Variants in CNTNAP2 observed in about 807,000 individuals in gnomAD.
The protein encoded by CNTNAP2 is contactin associated protein 2, also known as contactin-associated protein-like 2.
A neutral mutation model predicts 155.2 loss-of-function variants in CNTNAP2; 98 were observed. The observed-to-expected ratio is 0.63, with a 90% CI of 0.54 to 0.75. The LOEUF is 0.75. CNTNAP2 is among the 30% of genes least tolerant of loss of function. The probability of loss-of-function intolerance (pLI) is 0.00; values close to 1 mark genes in which losing one functional copy is unlikely to be tolerated. For synonymous variants in CNTNAP2, 651 were observed against 631.2 expected (o/e 1.03, Z -0.47); for missense variants, 1,727 against 1,688.1 (o/e 1.02, Z -0.40).
At position 147,395,671 on chromosome 7, in the gene CNTNAP2, A is replaced by G. The variant is rs2116453934; in HGVS notation, c.1561A>G (p.Met521Val). Residue 521 changes from methionine (M) to valine (V), a missense_variant, in exon 10 of 24, where the codon ATG becomes GTG. Physicochemically the swap from Met to Val is conservative, Grantham distance 21 (BLOSUM62 1). Transcript: ENST00000361727. ...SVLQPSFQGCMQLIQVDDQLV... is the reference protein window; with the variant it reads ...SVLQPSFQGCVQLIQVDDQLV... Reference sequence around the variant, plus strand: ...CCTTCAGCCTTCATTCCAAGGATGCATGCAGCTCATTCAAGTGGACGATCA... The same window carrying G: ...CCTTCAGCCTTCATTCCAAGGATGCGTGCAGCTCATTCAAGTGGACGATCA... 6.2e-7 allele frequency: 1 copy of G among 1,612,638 alleles called. No individual in the cohort carries two copies. Among genetic ancestry groups the G allele is most frequent in the Non-Finnish European group, 8.5e-7 (1 of 1,178,864 alleles).
intron 19 of CNTNAP2, among the ~76,000 whole-genome samples, chr7:148,228,492 A>C (rs528787383): frequency 6.6e-6 from 1 of 152,130 alleles, no homozygotes; most frequent in Non-Finnish European, 1.5e-5. Context: ...AAAATTTATT[A>C]CTTGGTCTCA....
chr7:148,179,295 G>A (rs1172362101), intron 18 of CNTNAP2, among the ~76,000 whole-genome samples: 1 of 152,160 alleles, frequency 6.6e-6, no homozygotes, highest in East Asian at 1.9e-4. Context: ...GATCATGTGA[G>A]CCCAGGAGTT....
intron 1 of CNTNAP2, among the ~76,000 whole-genome samples, chr7:146,450,630 G>A (rs1216899382): frequency 1.3e-5 from 2 of 152,070 alleles, no homozygotes; most frequent in Non-Finnish European, 2.9e-5. Context: ...ATATTTTACT[G>A]GTGAAAACAA....
intron 2 of CNTNAP2, among the ~76,000 whole-genome samples, chr7:146,814,607 T>C (rs1803127860): frequency 6.6e-6 from 1 of 152,178 alleles, no homozygotes; most frequent in Non-Finnish European, 1.5e-5. Context: ...TCTTTGCTAA[T>C]AATCTATAAC....
intron 13 of CNTNAP2, among the ~76,000 whole-genome samples, chr7:147,671,082 C>G (rs1317040191): frequency 6.6e-6 from 1 of 152,214 alleles, no homozygotes; most frequent in East Asian, 1.9e-4. Context: ...TGCTCCTTCC[C>G]ATGAGTGGTG....
At chr7:147,151,761 C>T (rs1801831326) in intron 8 of CNTNAP2, among the ~76,000 whole-genome samples, 1 of 151,748 alleles carries the variant, frequency 6.6e-6, no homozygotes, top group Admixed American at 6.6e-5. Context: ...GTTTGCAAAT[C>T]CAAAAAAGGA....
At position 147,890,409 on chromosome 7, in the gene CNTNAP2, C is replaced by T. The variant is rs111404240; in HGVS notation, c.2099-13156C>T. ...CTTTTGGTGGGGATGTAAATTAGGA[C>T]GACCATTATGAGAAACAGCATAGAA... is the stretch of plus-strand genomic sequence containing the variant. On this transcript the variant is annotated intron_variant, in intron 13 of 23. Coordinates refer to ENST00000361727, the MANE Select transcript of CNTNAP2 (RefSeq NM_014141.6). Among the ~76,000 whole-genome samples, 569 of 152,106 alleles carry T rather than the reference C, an allele frequency of 3.7e-3. 4 individuals carry two copies. Among genetic ancestry groups the T allele is most frequent in the African/African-American group, 0.013 (546 of 41,498 alleles).
chr7:147,533,018 T>C (rs1799470218), intron 11 of CNTNAP2, among the ~76,000 whole-genome samples: 1 of 152,150 alleles, frequency 6.6e-6, no homozygotes, highest in South Asian at 2.1e-4. Flanking sequence ...CTGCCCCATT[T>C]ATTTCTCATA....
At chr7:147,566,808 TAGAG>T (rs1035774399) in intron 12 of CNTNAP2, among the ~76,000 whole-genome samples, 27 of 152,240 alleles carry the variant, frequency 1.8e-4, no homozygotes, top group African/African-American at 6.5e-4. Flanking sequence ...AATAATTCAA[TAGAG>T]AGAGATTAGG....
intron 21 of CNTNAP2, among the ~76,000 whole-genome samples, chr7:148,331,737 G>GTCGA (rs1798024821): frequency 7.1e-5 from 3 of 42,510 alleles, no homozygotes; most frequent in Non-Finnish European, 2.0e-4. Context: ...GATGGATGGA[G>GTCGA]TGGATGGATG....
chr7:148,348,549 C>T (rs914385184), intron 21 of CNTNAP2, among the ~76,000 whole-genome samples: 3 of 152,110 alleles, frequency 2.0e-5, no homozygotes, highest in Non-Finnish European at 2.9e-5. Context: ...CAGGCCCTCA[C>T]GGAGGACGAG....
At chr7:147,726,902 T>C (rs1192213171) in intron 13 of CNTNAP2, among the ~76,000 whole-genome samples, 5 of 151,998 alleles carry the variant, frequency 3.3e-5, no homozygotes, top group Non-Finnish European at 7.4e-5. Context: ...TGAGCTGTAG[T>C]TTCTGTTTCT....
chr7:147,002,982 CTG>C (rs1798455283), intron 3 of CNTNAP2, among the ~76,000 whole-genome samples: 1 of 135,764 alleles, frequency 7.4e-6, no homozygotes, highest in Non-Finnish European at 1.6e-5. Flanking sequence ...AAGCAGCAAA[CTG>C]GAAAAGAAGA....
At chr7:147,746,862 A>G (rs1168717436) in intron 13 of CNTNAP2, among the ~76,000 whole-genome samples, 1 of 152,164 alleles carries the variant, frequency 6.6e-6, no homozygotes, top group Non-Finnish European at 1.5e-5. Context: ...AAGATCTTCA[A>G]AGCCCACACT....
intron 1 of CNTNAP2, among the ~76,000 whole-genome samples, chr7:146,201,430 C>T (rs1798857821): frequency 2.0e-5 from 3 of 152,088 alleles, no homozygotes; most frequent in East Asian, 1.9e-4. Context: ...ATTGGCAGCT[C>T]CTAATTGCCA....
rs1186338565 is a variant in CNTNAP2 at position 146,603,871 on chromosome 7, T to C, written c.98-170400T>C. Among the ~76,000 whole-genome samples the C allele has an allele frequency of 7.8e-4, 114 of 145,914 alleles. 2 individuals are homozygous for C. The highest frequency in any genetic ancestry group is 2.5e-3 in the African/African-American group (99 of 39,378). On this transcript the variant is annotated intron_variant, in intron 1 of 23. Transcript: ENST00000361727. ...GTGCTGGGAAAACTGGCTAGCCATA[T>C]GTAGGAAGCTGAAACTGGATCCCTC... is the stretch of plus-strand genomic sequence containing the variant.
At chr7:146,749,677 G>T (rs1408075305) in intron 1 of CNTNAP2, among the ~76,000 whole-genome samples, 1 of 152,128 alleles carries the variant, frequency 6.6e-6, no homozygotes, top group Non-Finnish European at 1.5e-5. Context: ...CTGAATGAGT[G>T]AAGCTATAGA....
At chr7:146,811,666 A>G (rs1803068622) in intron 2 of CNTNAP2, among the ~76,000 whole-genome samples, 2 of 152,100 alleles carry the variant, frequency 1.3e-5, no homozygotes, top group African/African-American at 2.4e-5. Flanking sequence ...TATCAAGGAA[A>G]ACTTCTGATA....
chr7:147,344,423 G>GA (rs138106557), intron 9 of CNTNAP2, among the ~76,000 whole-genome samples: 4,900 of 151,324 alleles, frequency 0.032, 276 homozygotes, highest in African/African-American at 0.11. Flanking sequence ...GTAACACTAG[G>GA]AAAAAAAAAT....
Sources: gnomAD v4.1 joint callset for allele counts (sites outside exome capture counted in the v4.1 genomes callset) on GRCh38, gnomAD v4.1.1 for gene constraint, MANE v1.5 for transcripts, NCBI Gene and HGNC (gene_info 2026-07-23, HGNC 2026-07-21) for gene names.